The following AGPAT3 variants were observed in gnomAD, a reference collection of about 807,000 sequenced individuals.
AGPAT3 encodes 1-acylglycerol-3-phosphate O-acyltransferase 3.
Under a neutral mutation model 47.3 loss-of-function variants are expected in AGPAT3, and 5 were observed. That is an observed-to-expected ratio of 0.11 (90% CI 0.06 to 0.22). AGPAT3 has a LOEUF of 0.22. AGPAT3 is among the 10% of genes least tolerant of loss of function. The pLI is 1.00. For synonymous variants in AGPAT3, 212 were observed against 208.3 expected (o/e 1.02, Z -0.15); for missense variants, 315 against 493.0 (o/e 0.64, Z 3.42).
intron 5 of AGPAT3, among the ~76,000 whole-genome samples, chr21:43,969,794 T>G (rs1008313653): frequency 6.6e-6 from 1 of 152,120 alleles, no homozygotes; most frequent in Non-Finnish European, 1.5e-5. Context: ...ACCTCCCAGA[T>G]TTAAGCGATT....
intron 1 of AGPAT3, among the ~76,000 whole-genome samples, chr21:43,900,725 G>A (rs7276732): frequency 0.015 from 2,310 of 152,262 alleles, 60 homozygotes; most frequent in African/African-American, 0.053. Context: ...AGTTCACAGG[G>A]TGGGGTGAAT....
rs905324020 is a variant in AGPAT3, at chr21:43,932,188, G to A, written c.-48-27446G>A. 1.3e-5 allele frequency among the ~76,000 whole-genome samples: 2 copies of A among 152,154 alleles called. No individual in the cohort carries two copies. The highest frequency in any genetic ancestry group is 6.5e-5 in the Admixed American group (1 of 15,270). ...GTTATTGTTAACTGGTCGCCACGCA[G>A]CGCGGCCGATCACGAACACGTCCCT... On this transcript the variant is annotated intron_variant, in intron 2 of 9. Coordinates refer to ENST00000291572, the MANE Select transcript of AGPAT3 (RefSeq NM_020132.5). This position sits in a 1 kb window ranked among gnomAD's most constrained non-coding sequence, Gnocchi z 5.2.
At position 43,920,939 on chromosome 21, in the gene AGPAT3, C is replaced by T. The variant is rs545098314; in HGVS notation, c.-49+16920C>T. ...AGGAGATCAAGACCACGGTGAAACCCCATATCTACTAAAAATACAAAAACT... is the reference window on the plus strand; with the variant it reads ...AGGAGATCAAGACCACGGTGAAACCTCATATCTACTAAAAATACAAAAACT... On this transcript the variant is annotated intron_variant, in intron 2 of 9. Transcript: ENST00000291572. This position sits in a 1 kb window ranked among gnomAD's most constrained non-coding sequence, Gnocchi z 6.1. 4.5e-4 allele frequency among the ~76,000 whole-genome samples: 69 copies of T among 152,270 alleles called. No homozygotes were observed. Among genetic ancestry groups the T allele is most frequent in the African/African-American group, 1.6e-3 (68 of 41,556 alleles).
intron 2 of AGPAT3, among the ~76,000 whole-genome samples, chr21:43,956,877 C>T (rs1364439913): frequency 6.6e-6 from 1 of 152,220 alleles, no homozygotes; most frequent in African/African-American, 2.4e-5. Flanking sequence ...TTTTTGTGAC[C>T]TAGCCTTGGC....
At position 43,939,344 on chromosome 21, in the gene AGPAT3, C is replaced by T. The variant is rs529507847; in HGVS notation, c.-48-20290C>T. On this transcript the variant is annotated intron_variant, in intron 2 of 9. Transcript: ENST00000291572. The surrounding 1 kb of genome is among the most constrained non-coding windows in gnomAD (Gnocchi z 4.4). ...CTGTTGTTGTCGGGGGCCTCCCGCGCCCCAGGAGGTTTCCCAGGGCGATGC... is the reference window on the plus strand; with the variant it reads ...CTGTTGTTGTCGGGGGCCTCCCGCGTCCCAGGAGGTTTCCCAGGGCGATGC... Among the ~76,000 whole-genome samples the T allele has an allele frequency of 9.2e-5, 14 of 152,278 alleles. No homozygotes were observed. The highest frequency in any genetic ancestry group is 1.8e-4 in the Non-Finnish European group (12 of 68,004).
intron 2 of AGPAT3, among the ~76,000 whole-genome samples, chr21:43,958,571 T>C (rs2088607535): frequency 6.6e-6 from 1 of 151,310 alleles, no homozygotes; most frequent in Non-Finnish European, 1.5e-5. Context: ...GCGTGTGGCG[T>C]GTGTGTGGTT....
chr21:43,945,587 G>T (rs1045931154), intron 2 of AGPAT3, among the ~76,000 whole-genome samples: 1 of 152,034 alleles, frequency 6.6e-6, no homozygotes. Context: ...CCCTGTCCCC[G>T]CAGAGAGCCC....
chr21:43,915,162 C>T (rs573429303), intron 2 of AGPAT3, among the ~76,000 whole-genome samples: 2 of 152,016 alleles, frequency 1.3e-5, no homozygotes, highest in South Asian at 2.1e-4. Flanking sequence ...AGTGATTCTC[C>T]TGCCTCAGCC....
chr21:43,925,607 T>A (rs2087028925), intron 2 of AGPAT3, among the ~76,000 whole-genome samples: 1 of 152,252 alleles, frequency 6.6e-6, no homozygotes, highest in Admixed American at 6.5e-5. Flanking sequence ...CTGTGCCCTC[T>A]GGGCTGGACT....
At chr21:43,883,115 G>A (rs1460111161) in intron 1 of AGPAT3, among the ~76,000 whole-genome samples, 1 of 152,242 alleles carries the variant, frequency 6.6e-6, no homozygotes, top group Non-Finnish European at 1.5e-5. Context: ...ACACAGAGTT[G>A]CTCCTTCCCT....
At chr21:43,872,814 C>T (rs1356388520) in intron 1 of AGPAT3, among the ~76,000 whole-genome samples, 2 of 152,240 alleles carry the variant, frequency 1.3e-5, no homozygotes, top group African/African-American at 4.8e-5. Flanking sequence ...GGTGTGGGTA[C>T]AAACAGTGGC....
At chr21:43,872,894 A>T (rs2085651861) in intron 1 of AGPAT3, among the ~76,000 whole-genome samples, 1 of 152,232 alleles carries the variant, frequency 6.6e-6, no homozygotes, top group South Asian at 2.1e-4. Context: ...AATACAAACA[A>T]AGTGACCCAA....
intron 1 of AGPAT3, among the ~76,000 whole-genome samples, chr21:43,898,236 G>A (rs1009331572): frequency 9.2e-5 from 14 of 152,182 alleles, no homozygotes; most frequent in African/African-American, 3.4e-4. Flanking sequence ...GCAGATATTT[G>A]CGTTGAAATA....
Position 43,981,198 on chromosome 21 carries a change from C to G in AGPAT3, c.1042+11C>G. The G allele has an allele frequency of 6.2e-7, 1 of 1,613,736 alleles. No individual in the cohort carries two copies. Among genetic ancestry groups the G allele is most frequent in the South Asian group, 1.1e-5 (1 of 91,056 alleles). Reference sequence around the variant, plus strand: ...GGTTTGTGGGAGCAGGTAATGGACACTGTCGCTAACAGCTCACACTCTGAC... The same window carrying G: ...GGTTTGTGGGAGCAGGTAATGGACAGTGTCGCTAACAGCTCACACTCTGAC... On this transcript the variant is annotated intron_variant, in intron 9 of 9. Coordinates refer to ENST00000291572, the MANE Select transcript of AGPAT3 (RefSeq NM_020132.5). The surrounding 1 kb of genome is among the most constrained non-coding windows in gnomAD (Gnocchi z 5.3).
chr21:43,974,524 CAT>C (rs1001115050), intron 7 of AGPAT3, among the ~76,000 whole-genome samples: 8 of 146,842 alleles, frequency 5.4e-5, no homozygotes, highest in South Asian at 2.2e-4. Context: ...TATAGTGTGT[CAT>C]GTGGTGTGTG....
chr21:43,966,735 C>G (rs2089146670), intron 3 of AGPAT3: 1 of 152,234 alleles, frequency 6.6e-6, no homozygotes, highest in Non-Finnish European at 1.5e-5. Flanking sequence ...TTATAAATAA[C>G]TGGTATAAAA....
intron 2 of AGPAT3, among the ~76,000 whole-genome samples, chr21:43,931,875 C>A (rs1317208377): frequency 1.3e-5 from 2 of 151,540 alleles, no homozygotes; most frequent in African/African-American, 4.9e-5. Flanking sequence ...ATGTTCCATA[C>A]AGGTTGAGGT....
intron 2 of AGPAT3, among the ~76,000 whole-genome samples, chr21:43,951,168 G>C (rs1195888580): frequency 6.6e-6 from 1 of 152,224 alleles, no homozygotes; most frequent in Non-Finnish European, 1.5e-5. Context: ...GCAGGGGCCA[G>C]GTCTGCTCGG....
chr21:43,889,168 C>T (rs1289089815), intron 1 of AGPAT3, among the ~76,000 whole-genome samples: 1 of 152,012 alleles, frequency 6.6e-6, no homozygotes, highest in African/African-American at 2.4e-5. Flanking sequence ...TCTTGTCGTC[C>T]TGTGCTGGCA....
Sources: gnomAD v4.1 joint callset for allele counts (sites outside exome capture counted in the v4.1 genomes callset) on GRCh38, gnomAD v4.1.1 for gene constraint, Gnocchi (gnomAD v3.1) non-coding constraint, MANE v1.5 for transcripts, NCBI Gene and HGNC (gene_info 2026-07-23, HGNC 2026-07-21) for gene names.